Variants in TCF12 observed in about 807,000 individuals in gnomAD.
TCF12 encodes the protein DNA-binding protein HTF4.
A neutral mutation model predicts 86.0 loss-of-function variants in TCF12; 45 were observed. That is an observed-to-expected ratio of 0.52 (90% CI 0.41 to 0.67). The LOEUF (loss-of-function observed/expected upper bound fraction) is 0.67, where lower values mean the gene tolerates loss of function less well. Ranked by LOEUF, TCF12 falls within the 30% of genes least tolerant of loss-of-function variation. The probability of loss-of-function intolerance (pLI) is 0.00; values close to 1 mark genes in which losing one functional copy is unlikely to be tolerated. For synonymous variants in TCF12, 330 were observed against 299.6 expected (o/e 1.10, Z -1.05); for missense variants, 881 against 859.9 (o/e 1.02, Z -0.31).
At chr15:57,198,967 G>T (rs1256316575) in intron 8 of TCF12, among the ~76,000 whole-genome samples, 1 of 152,122 alleles carries the variant, frequency 6.6e-6, no homozygotes, top group Non-Finnish European at 1.5e-5. Flanking sequence ...TCTCTACCGT[G>T]TGATACATGA....
chr15:57,087,126 C>G (rs1189175790), intron 4 of TCF12, among the ~76,000 whole-genome samples: 3 of 151,430 alleles, frequency 2.0e-5, no homozygotes, highest in East Asian at 3.9e-4. Context: ...TCCCTACCCC[C>G]CTGCTCACCT....
At chr15:57,269,173 G>A (rs1293009787) in intron 18 of TCF12, among the ~76,000 whole-genome samples, 1 of 151,994 alleles carries the variant, frequency 6.6e-6, no homozygotes, top group Non-Finnish European at 1.5e-5. Context: ...CTTTTTGTAG[G>A]TCTGTAAGAA....
chr15:57,042,798 TAAC>T (rs149282553), intron 3 of TCF12, among the ~76,000 whole-genome samples: 1,754 of 152,314 alleles, frequency 0.012, 35 homozygotes, highest in African/African-American at 0.036. Flanking sequence ...TCTGTCTTCT[TAAC>T]AAATTCTTAA....
chr15:57,263,315 C>T, intron 18 of TCF12, 41 bp downstream of exon 18: 2 of 1,577,512 alleles, frequency 1.3e-6, no homozygotes, highest in Non-Finnish European at 1.7e-6. Flanking sequence ...ATTCATTTTC[C>T]ATAGGTAAAC....
chr15:56,949,582 G>A (rs1286302826), intron 3 of TCF12, among the ~76,000 whole-genome samples: 2 of 152,170 alleles, frequency 1.3e-5, no homozygotes, highest in African/African-American at 4.8e-5. Context: ...TAAGAAGACC[G>A]GCTTTTGAAA....
intron 5 of TCF12, among the ~76,000 whole-genome samples, chr15:57,124,840 G>T (rs993867236): frequency 2.7e-5 from 4 of 150,104 alleles, no homozygotes; most frequent in Non-Finnish European, 5.9e-5. Flanking sequence ...ACCATGCCCG[G>T]CTAACTTTTT....
At chr15:57,228,696 T>C (rs2058997209) in intron 8 of TCF12, among the ~76,000 whole-genome samples, 1 of 152,066 alleles carries the variant, frequency 6.6e-6, no homozygotes, top group Non-Finnish European at 1.5e-5. Flanking sequence ...CAGGAAAGTT[T>C]ATCCTTTGAC....
intron 12 of TCF12, among the ~76,000 whole-genome samples, chr15:57,237,579 T>G (rs577860734): frequency 3.6e-4 from 55 of 152,344 alleles, no homozygotes; most frequent in African/African-American, 1.2e-3. Flanking sequence ...ATGAGGACCA[T>G]GGACTGCATG....
intron 3 of TCF12, among the ~76,000 whole-genome samples, chr15:56,932,603 C>G (rs966274727): frequency 4.6e-5 from 7 of 152,024 alleles, no homozygotes; most frequent in Non-Finnish European, 8.8e-5. Flanking sequence ...GAGTGTGGCT[C>G]TGTCGCCCAG....
intron 12 of TCF12, among the ~76,000 whole-genome samples, chr15:57,242,327 A>G (rs1333839004): frequency 6.6e-6 from 1 of 152,222 alleles, no homozygotes; most frequent in African/African-American, 2.4e-5. Context: ...TATTAAAAGA[A>G]TAGGATTGTC....
chr15:57,262,059 A>G, intron 16 of TCF12, 35 bp from the exon 17 acceptor site: 1 of 1,431,636 alleles, frequency 7.0e-7, no homozygotes, highest in Non-Finnish European at 9.7e-7. Flanking sequence ...AACTATCTTA[A>G]TCTTTTTTTA....
chr15:57,078,346 C>T (rs2733189), intron 4 of TCF12, among the ~76,000 whole-genome samples: 4 of 152,206 alleles, frequency 2.6e-5, no homozygotes, highest in African/African-American at 9.6e-5. Flanking sequence ...CATCCTGTCC[C>T]CTAGACTACT....
chr15:57,079,278 TTTGA>T (rs2070412616), intron 4 of TCF12, among the ~76,000 whole-genome samples: 1 of 152,240 alleles, frequency 6.6e-6, no homozygotes, highest in African/African-American at 2.4e-5. Flanking sequence ...TAGTTATTTC[TTTGA>T]TTGTGTACTA....
chr15:57,210,534 T>C (rs1230180468), intron 8 of TCF12, among the ~76,000 whole-genome samples: 2 of 152,100 alleles, frequency 1.3e-5, no homozygotes, highest in African/African-American at 4.8e-5. Flanking sequence ...CTTGGTTAGA[T>C]AGGAATTATT....
intron 8 of TCF12, among the ~76,000 whole-genome samples, chr15:57,212,886 G>A (rs951795175): frequency 5.3e-5 from 8 of 152,240 alleles, no homozygotes; most frequent in East Asian, 1.9e-4. Context: ...GTGCTCTTTC[G>A]CGTTACATGA....
At chr15:57,277,976 C>A (rs1368132609) in intron 19 of TCF12, among the ~76,000 whole-genome samples, 2 of 151,842 alleles carry the variant, frequency 1.3e-5, no homozygotes, top group African/African-American at 4.8e-5. Flanking sequence ...TATGCAAATC[C>A]TTTAAAAATT....
At chr15:57,141,384 T>C (rs548843251) in intron 5 of TCF12, among the ~76,000 whole-genome samples, 3 of 152,318 alleles carry the variant, frequency 2.0e-5, no homozygotes, top group African/African-American at 7.2e-5. Flanking sequence ...GGTTTAGCTC[T>C]TGATGCCCAG....
At chr15:57,213,840 T>TAGATTGCCTAACGAGTCAATAGCGC (rs1282209589) in intron 8 of TCF12, among the ~76,000 whole-genome samples, 4 of 152,376 alleles carry the variant, frequency 2.6e-5, no homozygotes, top group African/African-American at 9.6e-5. Flanking sequence ...GTTTTGTTGT[T>TAGATTGCCTAACGAGTCAATAGCGC]AGATTGCCTA....
chr15:57,246,949 T>C, intron 13 of TCF12: 2 of 532,096 alleles, frequency 3.8e-6, no homozygotes, highest in East Asian at 5.2e-5. Flanking sequence ...GTAGCCCTTT[T>C]CTGCTGTTTT....
Sources: allele counts gnomAD v4.1 joint callset (sites outside exome capture counted in the v4.1 genomes callset), GRCh38; gene constraint gnomAD v4.1.1; transcripts MANE v1.5; gene names NCBI Gene and HGNC (gene_info 2026-07-23, HGNC 2026-07-21).